GADL1: variants seen among roughly 807,000 people sequenced by gnomAD.
GADL1 encodes GAD like acidic amino acid decarboxylase 1.
In GADL1, 71 loss-of-function variants were observed where a neutral mutation model predicts 69.5. The observed-to-expected ratio is 1.02, with a 90% CI of 0.84 to 1.25. The LOEUF (loss-of-function observed/expected upper bound fraction) is 1.25. Among genes scored for constraint, GADL1 ranks in the 50% most tolerant of loss-of-function variants. The probability of loss-of-function intolerance (pLI) is 0.00; values close to 1 mark genes in which losing one functional copy is unlikely to be tolerated. For synonymous variants in GADL1, 254 were observed against 214.4 expected (o/e 1.18, Z -1.62); for missense variants, 737 against 631.8 (o/e 1.17, Z -1.79).
Position 30,732,152 on chromosome 3 carries a change from CT to C in GADL1, c.1393-3738del, listed in dbSNP as rs1349904435. On this transcript the variant is annotated intron_variant, in intron 14 of 14. Coordinates refer to ENST00000282538, the MANE Select transcript of GADL1 (RefSeq NM_207359.3). ...CCAATGCTAGGTAATTTGGATATTC[CT>C]TTTTGCTGATCACAGCAGAGACAGT... is the stretch of plus-strand genomic sequence containing the variant. Among the ~76,000 whole-genome samples, 3 of 152,194 alleles carry C rather than the reference CT, an allele frequency of 2.0e-5. No individual in the cohort carries two copies. In the East Asian group the frequency reaches 5.8e-4, roughly 29 times the overall value.
intron 1 of GADL1, among the ~76,000 whole-genome samples, chr3:30,868,335 C>T (rs1698433168): frequency 6.6e-6 from 1 of 151,996 alleles, no homozygotes; most frequent in Admixed American, 6.6e-5. Context: ...TCACAAAATT[C>T]CAGGTGTGAT....
intron 11 of GADL1, among the ~76,000 whole-genome samples, chr3:30,830,655 A>T (rs1697771981): frequency 6.6e-6 from 1 of 151,958 alleles, no homozygotes; most frequent in Admixed American, 6.6e-5. Context: ...CTCCCAAGGC[A>T]TCTATAACCC....
chr3:30,781,274 A>G (rs1297777230), intron 13 of GADL1, among the ~76,000 whole-genome samples: 1 of 152,250 alleles, frequency 6.6e-6, no homozygotes, highest in Admixed American at 6.5e-5. Flanking sequence ...TTCTTTATCA[A>G]TTTCAGGAAG....
intron 6 of GADL1, 27 bp downstream of exon 6, chr3:30,849,969 A>G (rs1379834189): frequency 7.6e-7 from 1 of 1,311,830 alleles, no homozygotes. Context: ...CAGAAAATCT[A>G]TATTCAATAC....
Position 30,868,242 on chromosome 3 carries a change from GCT to G in GADL1, c.38-6479_38-6478del, listed in dbSNP as rs745604265. Among the ~76,000 whole-genome samples the G allele has an allele frequency of 4.7e-4, 71 of 152,134 alleles. 1 individual carries two copies. The highest frequency in any genetic ancestry group is 7.9e-4 in the Admixed American group (12 of 15,268). On this transcript the variant is annotated intron_variant, in intron 1 of 14. Transcript: ENST00000282538. ...ATGCTTTTAATTGTCAGTTAAAACT[GCT>G]CTCAGTTTTTTCAGTGGTTTCCGAT...
chr3:30,803,294 A>G (rs1056535089), intron 11 of GADL1, among the ~76,000 whole-genome samples: 1 of 152,188 alleles, frequency 6.6e-6, no homozygotes, highest in African/African-American at 2.4e-5. Flanking sequence ...CTCAAAAGTC[A>G]GGAAATTTGG....
At chr3:30,760,543 CCT>C (rs1287301775) in intron 14 of GADL1, among the ~76,000 whole-genome samples, 2 of 152,232 alleles carry the variant, frequency 1.3e-5, no homozygotes, top group East Asian at 1.9e-4. Context: ...CCTTCTGTTT[CCT>C]CTTTCTCTTA....
In GADL1 at chr3:30,759,257, TTAATTATC is replaced by T. The variant is rs375256538; in HGVS notation, c.1392+18914_1392+18921del. 3.2e-3 allele frequency among the ~76,000 whole-genome samples: 217 copies of T among 67,300 alleles called. 2 individuals carry two copies. The highest frequency in any genetic ancestry group is 6.5e-3 in the Non-Finnish European group (170 of 26,352). The allele number at this position is 67,300 out of a possible 152,430, so 44.2% of individuals were successfully genotyped here. A position where few individuals can be genotyped will look rare whatever the true frequency, so the allele number is the denominator to read the frequency against. On this transcript the variant is annotated intron_variant, in intron 14 of 14. Coordinates refer to ENST00000282538, the MANE Select transcript of GADL1 (RefSeq NM_207359.3). Reference sequence around the variant, plus strand: ...GCTCTCACAATGATTATGTAAATCTTTAATTATCTATAAATCTTTTTCTTCCAAAATTA... The same window carrying T: ...GCTCTCACAATGATTATGTAAATCTTTATAAATCTTTTTCTTCCAAAATTA...
At chr3:30,802,077 C>T (rs1426579270) in intron 11 of GADL1, among the ~76,000 whole-genome samples, 2 of 152,194 alleles carry the variant, frequency 1.3e-5, no homozygotes, top group African/African-American at 4.8e-5. Context: ...CATAGCCTGC[C>T]TTCTTTCCCA....
chr3:30,859,889 T>C (rs1435829880), intron 2 of GADL1, among the ~76,000 whole-genome samples: 1 of 151,932 alleles, frequency 6.6e-6, no homozygotes. Context: ...ATCTATTACA[T>C]TGTAATTGAC....
chr3:30,784,822 C>T (rs530485900), intron 13 of GADL1, among the ~76,000 whole-genome samples: 1 of 152,294 alleles, frequency 6.6e-6, no homozygotes, highest in East Asian at 1.9e-4. Flanking sequence ...AAGGCCTCAC[C>T]TTGACTTACC....
chr3:30,840,664 T>C (rs2125526957), intron 8 of GADL1, among the ~76,000 whole-genome samples: 1 of 152,316 alleles, frequency 6.6e-6, no homozygotes, highest in South Asian at 2.1e-4. Flanking sequence ...ATCCTGACAG[T>C]CATGAGAAAA....
In GADL1 at chr3:30,892,263, A is replaced by G. The variant is rs577793119; in HGVS notation, c.37+2315T>C. The stretch of plus-strand genomic sequence containing the variant: ...GGATTCCCTATGGTATTCTTCCGTA[A>G]TGTATAGGTCTGTAACAGATATTCA... On this transcript the variant is annotated intron_variant, in intron 1 of 14. Transcript: ENST00000282538. 7.2e-5 allele frequency among the ~76,000 whole-genome samples: 11 copies of G among 152,352 alleles called. No homozygotes were observed. In the South Asian group the frequency reaches 2.3e-3, roughly 32 times the overall value.
At chr3:30,777,675 G>A (rs1357313022) in intron 14 of GADL1, among the ~76,000 whole-genome samples, 1 of 150,670 alleles carries the variant, frequency 6.6e-6, no homozygotes, top group Non-Finnish European at 1.5e-5. Flanking sequence ...ACACTTCCAA[G>A]CACATTTTGT....
chr3:30,876,324 T>C (rs1216035625), intron 1 of GADL1, among the ~76,000 whole-genome samples: 1 of 152,020 alleles, frequency 6.6e-6, no homozygotes, highest in Non-Finnish European at 1.5e-5. Context: ...TTTCCATTTA[T>C]GGAAAGAGAT....
intron 11 of GADL1, among the ~76,000 whole-genome samples, chr3:30,805,378 G>C (rs1697231705): frequency 6.6e-6 from 1 of 152,178 alleles, no homozygotes; most frequent in Non-Finnish European, 1.5e-5. Context: ...ATTTGGAGAG[G>C]CTGGTGAAAA....
intron 14 of GADL1, among the ~76,000 whole-genome samples, chr3:30,734,749 T>G (rs1575177760): frequency 6.6e-6 from 1 of 152,314 alleles, no homozygotes; most frequent in Non-Finnish European, 1.5e-5. Context: ...CTGAGTAATT[T>G]GTCTCTTCTC....
intron 8 of GADL1, among the ~76,000 whole-genome samples, chr3:30,843,616 T>C (rs929729894): frequency 6.6e-6 from 1 of 152,202 alleles, no homozygotes; most frequent in African/African-American, 2.4e-5. Flanking sequence ...GCACAGCAGG[T>C]GCCCAGAGCC....
chr3:30,890,563 C>A (rs937652709), intron 1 of GADL1, among the ~76,000 whole-genome samples: 1 of 152,184 alleles, frequency 6.6e-6, no homozygotes, highest in Non-Finnish European at 1.5e-5. Flanking sequence ...TATGAATCAC[C>A]TGGACTCTTA....
Sources: gnomAD v4.1 joint callset for allele counts (sites outside exome capture counted in the v4.1 genomes callset) on GRCh38, gnomAD v4.1.1 for gene constraint, MANE v1.5 for transcripts, NCBI Gene and HGNC (gene_info 2026-07-23, HGNC 2026-07-21) for gene names.